Variants in MAST4 observed in about 807,000 individuals in gnomAD.
The protein encoded by MAST4 is microtubule-associated serine/threonine-protein kinase 4.
Under a neutral mutation model 162.7 loss-of-function variants are expected in MAST4, and 89 were observed. The ratio of observed to expected loss-of-function variants is 0.55; its 90% CI spans 0.46 to 0.65. MAST4 has a LOEUF of 0.65. Among genes scored for constraint, MAST4 ranks in the 30% least tolerant of loss-of-function variants. The pLI is 0.00. For missense variants in MAST4, 3,153 were observed against 3,374.0 expected, an observed-to-expected ratio of 0.93 and a Z score of 1.62; for synonymous variants, 1,479 against 1,361.1, an observed-to-expected ratio of 1.09 and a Z score of -1.91.
intron 1 of MAST4, among the ~76,000 whole-genome samples, chr5:66,604,665 C>CT (rs1430277360): frequency 1.3e-5 from 2 of 152,158 alleles, no homozygotes; most frequent in Non-Finnish European, 2.9e-5. Flanking sequence ...TGGCTAGCTC[C>CT]TTTTTTTGAT....
At chr5:66,761,916 C>T (rs1753869019) in intron 2 of MAST4, among the ~76,000 whole-genome samples, 1 of 152,168 alleles carries the variant, frequency 6.6e-6, no homozygotes, top group Non-Finnish European at 1.5e-5. Context: ...TTAAAAGACT[C>T]ATCCTTTTAT....
intron 1 of MAST4, among the ~76,000 whole-genome samples, chr5:66,698,316 C>T (rs906715348): frequency 6.6e-6 from 1 of 151,824 alleles, no homozygotes; most frequent in Non-Finnish European, 1.5e-5. Flanking sequence ...CTCATTCCCT[C>T]CTCCTCTCCT....
rs780407590 is a variant in MAST4 at position 67,165,929 on chromosome 5, TC to T, written c.6752del (p.Pro2251LeufsTer32). ...ACAGTAAGAGTGGGCCGGATGTGTTTCCTGCTACCCCAGGCTCCCAGAACAA... is the reference window on the plus strand; with the variant it reads ...ACAGTAAGAGTGGGCCGGATGTGTTTCTGCTACCCCAGGCTCCCAGAACAA... ...GHSKSGPDVF[P>X]ATPGSQNKAS... On this transcript the variant is annotated frameshift_variant, in exon 29 of 29. Coordinates refer to ENST00000403625, the MANE Select transcript of MAST4 (RefSeq NM_001164664.2). LOFTEE classifies it low-confidence loss of function (END_TRUNC). 6.2e-7 allele frequency: 1 copy of T among 1,613,374 alleles called. No homozygotes were observed. Among genetic ancestry groups the T allele is most frequent in the South Asian group, 1.1e-5 (1 of 91,076 alleles).
intron 4 of MAST4, chr5:66,963,576 G>T: frequency 3.2e-6 from 2 of 634,712 alleles, no homozygotes; most frequent in Non-Finnish European, 5.7e-6. Context: ...GTGATTAGAT[G>T]ATTACCTAGT....
chr5:67,065,736 G>T (rs1432566665), intron 5 of MAST4, among the ~76,000 whole-genome samples: 2 of 152,124 alleles, frequency 1.3e-5, no homozygotes, highest in African/African-American at 4.8e-5. Flanking sequence ...CTGTATCTTT[G>T]AACTTATTCA....
chr5:66,653,025 C>G (rs1488248730), intron 1 of MAST4, among the ~76,000 whole-genome samples: 1 of 152,136 alleles, frequency 6.6e-6, no homozygotes, highest in Non-Finnish European at 1.5e-5. Context: ...GATGTCATAA[C>G]TTTTCAAAAG....
intron 4 of MAST4, among the ~76,000 whole-genome samples, chr5:67,006,294 G>A (rs1752023418): frequency 6.6e-6 from 1 of 152,226 alleles, no homozygotes; most frequent in South Asian, 2.1e-4. Context: ...GGATTCTGAA[G>A]TTGTACCTTT....
chr5:66,843,813 G>C (rs2149792892), intron 3 of MAST4, among the ~76,000 whole-genome samples: 1 of 152,228 alleles, frequency 6.6e-6, no homozygotes, highest in South Asian at 2.1e-4. Flanking sequence ...TTGATACACA[G>C]CCAGGGTATA....
chr5:66,789,796 G>A (rs781147707), intron 3 of MAST4: 23 of 516,610 alleles, frequency 4.5e-5, no homozygotes, highest in South Asian at 1.4e-5. Context: ...ATGCAAATAC[G>A]CTTTTCATCA....
rs115452003 is a variant in MAST4 at position 66,850,012 on chromosome 5, A to G, written c.643-49939A>G. ...ATAGTGGTTACATCAGCCAGAATAA[A>G]GATGATGAATTCTGGATTCTTGTCC... On this transcript the variant is annotated intron_variant, in intron 3 of 28. Coordinates refer to ENST00000403625, the MANE Select transcript of MAST4 (RefSeq NM_001164664.2). Among the ~76,000 whole-genome samples, 1,488 of 152,282 alleles carry G rather than the reference A, an allele frequency of 9.8e-3. 29 individuals are homozygous for G. Among genetic ancestry groups the G allele is most frequent in the African/African-American group, 0.033 (1,391 of 41,556 alleles).
rs1581491122 is a variant in MAST4 at position 67,082,392 on chromosome 5, CA to C, written c.764-7767del. Among the ~76,000 whole-genome samples, 4 of 152,196 alleles carry C rather than the reference CA, an allele frequency of 2.6e-5. No homozygotes were observed. The East Asian group carries it at 7.7e-4, about 29-fold the overall frequency. ...TCGTGATCCACCCACTTTGGCCTCC[CA>C]AAGTGCTGGGATTGCAGGCGTGAGC... On this transcript the variant is annotated intron_variant, in intron 5 of 28. Coordinates refer to ENST00000403625, the MANE Select transcript of MAST4 (RefSeq NM_001164664.2).
rs368429765 is a variant in MAST4, at chr5:66,889,091, A to G, written c.643-10860A>G. Among the ~76,000 whole-genome samples, 10 of 152,334 alleles carry G rather than the reference A, an allele frequency of 6.6e-5. No homozygotes were observed. The South Asian group carries it at 2.1e-3, about 32-fold the overall frequency. On this transcript the variant is annotated intron_variant, in intron 3 of 28. Coordinates refer to ENST00000403625, the MANE Select transcript of MAST4 (RefSeq NM_001164664.2). ...GCTTTTATTGATTCTAGGGAATTGGACCCAACAATAAGCAATAAAAGTCGA... is the reference window on the plus strand; with the variant it reads ...GCTTTTATTGATTCTAGGGAATTGGGCCCAACAATAAGCAATAAAAGTCGA...
intron 1 of MAST4, among the ~76,000 whole-genome samples, chr5:66,725,917 G>A (rs1751487030): frequency 6.6e-6 from 1 of 152,142 alleles, no homozygotes; most frequent in East Asian, 1.9e-4. Flanking sequence ...TATTTTTTGA[G>A]TGCCTCTTTT....
intron 1 of MAST4, among the ~76,000 whole-genome samples, chr5:66,642,442 G>C (rs1425942445): frequency 6.6e-6 from 1 of 152,120 alleles, no homozygotes; most frequent in South Asian, 2.1e-4. Context: ...AGGAAAATTG[G>C]ACAATGACTG....
At chr5:67,048,448 A>G (rs932460667) in intron 4 of MAST4, among the ~76,000 whole-genome samples, 5 of 152,236 alleles carry the variant, frequency 3.3e-5, no homozygotes, top group Non-Finnish European at 5.9e-5. Context: ...TATGAAGTGA[A>G]CATGTATCAA....
intron 3 of MAST4, among the ~76,000 whole-genome samples, chr5:66,858,115 C>G (rs1380085466): frequency 6.6e-6 from 1 of 151,948 alleles, no homozygotes; most frequent in Non-Finnish European, 1.5e-5. Context: ...TGCCACCACG[C>G]CTGGCTAATT....
chr5:66,992,712 T>C (rs1750192939), intron 4 of MAST4, among the ~76,000 whole-genome samples: 1 of 152,190 alleles, frequency 6.6e-6, no homozygotes, highest in Non-Finnish European at 1.5e-5. Context: ...GGAGAGGAGA[T>C]GAACAGAGGG....
Position 67,164,630 on chromosome 5 carries a change from G to A in MAST4, c.5451G>A (p.Lys1817=), listed in dbSNP as rs2151132318. 1.2e-6 allele frequency: 2 copies of A among 1,613,980 alleles called. No homozygotes were observed. Among genetic ancestry groups the A allele is most frequent in the East Asian group, 2.2e-5 (1 of 44,876 alleles). Residue 1817 remains lysine, a synonymous_variant, in exon 29 of 29, where the codon AAG becomes AAA. Coordinates refer to ENST00000403625, the MANE Select transcript of MAST4 (RefSeq NM_001164664.2). The surrounding 1 kb of genome is among the most constrained non-coding windows in gnomAD (Gnocchi z 5.3). The part of the protein sequence containing the change: ...IALLSGPQAS[K]TELPSPESAQ... ...TCCTGTCCGGACCTCAGGCCTCCAA[G>A]ACAGAACTGCCTTCCCCAGAGTCTG...
intron 4 of MAST4, among the ~76,000 whole-genome samples, chr5:67,036,102 G>A (rs1457607527): frequency 6.6e-6 from 1 of 152,126 alleles, no homozygotes; most frequent in Non-Finnish European, 1.5e-5. Context: ...TCAAGGCCCA[G>A]GAGGCCAGAC....
Sources: allele counts gnomAD v4.1 joint callset (sites outside exome capture counted in the v4.1 genomes callset), GRCh38; gene constraint gnomAD v4.1.1; non-coding constraint Gnocchi (gnomAD v3.1); transcripts MANE v1.5; gene names NCBI Gene and HGNC (gene_info 2026-07-23, HGNC 2026-07-21).